PCDHA8: variants seen among roughly 807,000 people sequenced by gnomAD.
The protein encoded by PCDHA8 is protocadherin alpha-8.
A neutral mutation model predicts 61.8 loss-of-function variants in PCDHA8; 53 were observed. The ratio of observed to expected loss-of-function variants is 0.86; its 90% CI spans 0.69 to 1.08. PCDHA8 has a LOEUF of 1.08. Ranked by LOEUF, PCDHA8 falls within the 50% of genes least tolerant of loss-of-function variation. The probability of loss-of-function intolerance (pLI) is 0.00; values close to 1 mark genes in which losing one functional copy is unlikely to be tolerated. For synonymous variants in PCDHA8, 618 were observed against 556.6 expected (o/e 1.11, Z -1.55); for missense variants, 1,293 against 1,245.0 (o/e 1.04, Z -0.58).
chr5:140,935,341 G>A (rs1318000398), intron 1 of PCDHA8, among the ~76,000 whole-genome samples: 5 of 152,046 alleles, frequency 3.3e-5, no homozygotes, highest in Non-Finnish European at 5.9e-5. Context: ...TCTCCCATAC[G>A]TCAAATCCCA....
intron 2 of PCDHA8, 138 bp from the exon 3 acceptor site, chr5:140,982,337 A>G: frequency 6.9e-7 from 1 of 1,455,066 alleles, no homozygotes; most frequent in East Asian, 2.5e-5. Context: ...CTCAGCAGTA[A>G]TTGCTTCAGT....
intron 1 of PCDHA8, among the ~76,000 whole-genome samples, chr5:140,977,512 G>GAAACTTGA: frequency 3.9e-5 from 6 of 152,278 alleles, no homozygotes; most frequent in Admixed American, 3.9e-4. Context: ...AGCATTTTGT[G>GAAACTTGA]AACTTGAAAA....
intron 1 of PCDHA8, chr5:140,928,776 T>C (rs2085518837): frequency 6.2e-7 from 1 of 1,614,044 alleles, no homozygotes; most frequent in East Asian, 2.2e-5. Flanking sequence ...TTCCCACTGA[T>C]GCAGTTAAGC....
rs1473227460 is a variant in PCDHA8, at chr5:140,843,322, G to T, written c.2001G>T (p.Val667=). 2.5e-6 allele frequency: 4 copies of T among 1,595,938 alleles called. No homozygotes were observed. The highest frequency in any genetic ancestry group is 1.7e-6 in the Non-Finnish European group (2 of 1,165,608). The change falls in exon 1 of 4, where the codon GTG becomes GTT. Residue 667 remains valine (V), a synonymous_variant. Transcript: ENST00000531613. The part of the protein sequence containing the change: ...PALTATATVL[V]SLVESGQAPK... Reference sequence around the variant, plus strand: ...TGACCGCCACGGCCACGGTTCTGGTGTCGCTGGTGGAGAGCGGCCAGGCTC... The same window carrying T: ...TGACCGCCACGGCCACGGTTCTGGTTTCGCTGGTGGAGAGCGGCCAGGCTC...
chr5:140,982,544 A>G lies in PCDHA8; in HGVS notation c.2523A>G (p.Thr841=), dbSNP rs781800144. 1.5e-5 allele frequency: 25 copies of G among 1,614,098 alleles called. No individual in the cohort carries two copies. Among genetic ancestry groups the G allele is most frequent in the Non-Finnish European group, 2.1e-5 (25 of 1,180,048 alleles). Residue 841 remains threonine (T), a synonymous_variant, in exon 3 of 4, where the codon ACA becomes ACG. Coordinates refer to ENST00000531613, the MANE Select transcript of PCDHA8 (RefSeq NM_018911.3). ...GAGGGCCTGATCAGCAGTGGCCAAC[A>G]GTATCCAGTGCAACACCAGGTAAAG... The part of the protein sequence containing the change: ...GPGGPDQQWP[T]VSSATPEPEA...
intron 3 of PCDHA8, among the ~76,000 whole-genome samples, chr5:140,995,493 G>T (rs1427672474): frequency 6.6e-6 from 1 of 152,148 alleles, no homozygotes; most frequent in Non-Finnish European, 1.5e-5. Flanking sequence ...TCAGACTAAG[G>T]TTGACTGTGG....
At chr5:140,978,711 C>G (rs1306070484) in intron 1 of PCDHA8, among the ~76,000 whole-genome samples, 2 of 152,238 alleles carry the variant, frequency 1.3e-5, no homozygotes, top group Non-Finnish European at 2.9e-5. Flanking sequence ...GTGGCCTTTA[C>G]AAGATTATTA....
intron 1 of PCDHA8, among the ~76,000 whole-genome samples, chr5:140,845,178 C>A (rs1562424606): frequency 6.7e-6 from 1 of 149,120 alleles, no homozygotes; most frequent in Non-Finnish European, 1.5e-5. Context: ...CATTTTAGTC[C>A]TTTAAAAAAT....
intron 1 of PCDHA8, among the ~76,000 whole-genome samples, chr5:140,912,045 C>T (rs1276989293): frequency 2.0e-5 from 3 of 152,196 alleles, no homozygotes; most frequent in African/African-American, 4.8e-5. Flanking sequence ...AGTCCCAAAG[C>T]TGAAGAACTT....
At chr5:140,875,606 T>C in intron 1 of PCDHA8, 4 of 1,613,864 alleles carry the variant, frequency 2.5e-6, no homozygotes, top group Middle Eastern at 3.4e-4. Flanking sequence ...GGCACCTTCG[T>C]GGGCCGCATC....
At chr5:140,975,010 C>T (rs2096649304) in intron 1 of PCDHA8, among the ~76,000 whole-genome samples, 1 of 152,182 alleles carries the variant, frequency 6.6e-6, no homozygotes, top group Admixed American at 6.5e-5. Context: ...GAAATGAACA[C>T]AGCTGGGCTG....
At chr5:140,946,019 C>T (rs1014072062) in intron 1 of PCDHA8, among the ~76,000 whole-genome samples, 2 of 151,732 alleles carry the variant, frequency 1.3e-5, no homozygotes, top group African/African-American at 2.4e-5. Context: ...TCCTGCGCAG[C>T]AAAGAAAACA....
intron 1 of PCDHA8, among the ~76,000 whole-genome samples, chr5:140,936,994 TA>T (rs1472246875): frequency 6.6e-6 from 1 of 152,140 alleles, no homozygotes; most frequent in Non-Finnish European, 1.5e-5. Context: ...ACATTGACAA[TA>T]TTGAGACAGA....
intron 1 of PCDHA8, chr5:140,850,246 C>A: frequency 1.9e-6 from 3 of 1,593,138 alleles, no homozygotes; most frequent in Non-Finnish European, 2.6e-6. Flanking sequence ...GTGCTGCGGT[C>A]GGTGGGCGCC....
intron 1 of PCDHA8, among the ~76,000 whole-genome samples, chr5:140,925,206 G>A (rs576558414): frequency 1.3e-5 from 2 of 152,234 alleles, no homozygotes; most frequent in South Asian, 2.1e-4. Context: ...AATAATTATC[G>A]ATACTTTTAG....
chr5:140,863,062 G>C (rs62384481), intron 1 of PCDHA8: 2 of 565,590 alleles, frequency 3.5e-6, no homozygotes, highest in African/African-American at 3.8e-5. Flanking sequence ...CCCGTTCCAC[G>C]TGGGGCTCTG....
At position 140,993,462 on chromosome 5, in the gene PCDHA8, TCACACACACACACACACACA is replaced by T. The variant is rs3836747; in HGVS notation, c.2542+10927_2542+10946del. ...CATTCCTGTTCTCCTTCTTTCTTTC[TCACACACACACACACACACA>T]CACACACACACACACACACACACAC... On this transcript the variant is annotated intron_variant, in intron 3 of 3. Coordinates refer to ENST00000531613, the MANE Select transcript of PCDHA8 (RefSeq NM_018911.3). Among the ~76,000 whole-genome samples the T allele has an allele frequency of 7.1e-5, 10 of 141,044 alleles. No individual in the cohort carries two copies. In the South Asian group the frequency reaches 9.5e-4, roughly 13 times the overall value. The allele number at this position is 141,044 out of a possible 152,430, so 92.5% of individuals were successfully genotyped here.
chr5:140,868,900 G>A (rs2050728202), intron 1 of PCDHA8: 1 of 811,546 alleles, frequency 1.2e-6, no homozygotes, highest in Non-Finnish European at 1.9e-6. Flanking sequence ...GCAAGGTGTC[G>A]CTCTTTACTT....
At position 140,992,156 on chromosome 5, in the gene PCDHA8, A is replaced by G. The variant is rs79603129; in HGVS notation, c.2542+9593A>G. On this transcript the variant is annotated intron_variant, in intron 3 of 3. Coordinates refer to ENST00000531613, the MANE Select transcript of PCDHA8 (RefSeq NM_018911.3). ...TGATGATGCTAACTTTGCTCAATCA[A>G]GAAGTGTGATCCATTTAAATCATGC... Among the ~76,000 whole-genome samples the G allele has an allele frequency of 2.1e-3, 313 of 152,232 alleles. 2 individuals carry two copies. The highest frequency in any genetic ancestry group is 3.8e-3 in the Non-Finnish European group (258 of 67,998).
Sources: gnomAD v4.1 joint callset for allele counts (sites outside exome capture counted in the v4.1 genomes callset) on GRCh38, gnomAD v4.1.1 for gene constraint, MANE v1.5 for transcripts, NCBI Gene and HGNC (gene_info 2026-07-23, HGNC 2026-07-21) for gene names.